The following RAG1 variants were observed in gnomAD, a reference collection of about 807,000 sequenced individuals.
RAG1 encodes the protein recombination activating 1, also known as V(D)J recombination-activating protein 1.
A neutral mutation model predicts 62.7 loss-of-function variants in RAG1; 35 were observed. That is an observed-to-expected ratio of 0.56 (90% CI 0.43 to 0.74). The LOEUF (loss-of-function observed/expected upper bound fraction) is 0.74, where lower values mean the gene tolerates loss of function less well. Among genes scored for constraint, RAG1 ranks in the 30% least tolerant of loss-of-function variants. RAG1 has a pLI of 0.00. For synonymous variants in RAG1, 461 were observed against 470.3 expected (o/e 0.98, Z 0.26); for missense variants, 1,169 against 1,278.6 (o/e 0.91, Z 1.31).
rs146457887 is a variant in RAG1, at chr11:36,573,638, C to T, written c.334C>T (p.Arg112Cys). ...TCAAGCCAACCTTCGACATCTCTGC[C>T]GCATCTGTGGGAATTCTTTTAGAGC... ...IHQANLRHLC[R>C]ICGNSFRADE... The change falls in exon 2 of 2, where the codon CGC becomes TGC. Residue 112 changes from arginine to cysteine, a missense_variant. By Grantham distance (180) the Arg-to-Cys change is radical. Coordinates refer to ENST00000299440, the MANE Select transcript of RAG1 (RefSeq NM_000448.3). 1.9e-5 allele frequency: 31 copies of T among 1,613,948 alleles called. No individual in the cohort carries two copies. The highest frequency in any genetic ancestry group is 6.7e-5 in the East Asian group (3 of 44,898).
At chr11:36,545,020 T>C (rs1191344583) in intron 3 of RAG1, among the ~76,000 whole-genome samples, 1 of 152,242 alleles carries the variant, frequency 6.6e-6, no homozygotes, top group African/African-American at 2.4e-5. Flanking sequence ...AGCGTGAGAA[T>C]GGACTAATAC....
intron 2 of RAG1, among the ~76,000 whole-genome samples, chr11:36,531,538 T>C (rs1564977998): frequency 6.6e-6 from 1 of 151,974 alleles, no homozygotes; most frequent in South Asian, 2.1e-4. Flanking sequence ...ATATGATTTA[T>C]ATAAACAGTC....
chr11:36,560,628 G>A (rs1055556364), intron 3 of RAG1, among the ~76,000 whole-genome samples: 13 of 152,152 alleles, frequency 8.5e-5, no homozygotes, highest in South Asian at 4.1e-4. Context: ...CTACTCTGGA[G>A]CAATGGAGCT....
rs1218559623 is a variant in RAG1, at chr11:36,574,463, G to T, written c.1159G>T (p.Val387Leu). 1 of 1,614,200 alleles carries T rather than the reference G, an allele frequency of 6.2e-7. No homozygotes were observed. Among genetic ancestry groups the T allele is most frequent in the African/African-American group, 1.3e-5 (1 of 75,052 alleles). Residue 387 changes from valine (V) to leucine (L), a missense_variant, in exon 2 of 2, where the codon GTG becomes TTG. This residue lies in a region of RAG1 where 800 missense variants were observed against 943.3 expected (regional missense o/e 0.85). Coordinates refer to ENST00000299440, the MANE Select transcript of RAG1 (RefSeq NM_000448.3). The stretch of plus-strand genomic sequence containing the variant: ...TCACAAGGAATCAAAAGAGATTTTT[G>T]TGCACATTAATAAAGGGGGCCGGCC... ...SSHKESKEIF[V>L]HINKGGRPRQ...
chr11:36,534,836 A>G, intron 2 of RAG1, among the ~76,000 whole-genome samples: 1 of 152,166 alleles, frequency 6.6e-6, no homozygotes, highest in East Asian at 1.9e-4. Context: ...AAAAACTTAT[A>G]CATTTAGGTC....
At chr11:36,530,743 A>T (rs576799634) in intron 2 of RAG1, among the ~76,000 whole-genome samples, 3 of 151,632 alleles carry the variant, frequency 2.0e-5, no homozygotes, top group Admixed American at 2.0e-4. Context: ...GTTTTTCTTG[A>T]TATATTTTCC....
At chr11:36,538,599 T>C (rs1424394080), downstream of RAG1, among the ~76,000 whole-genome samples, 1 of 152,230 alleles carries the variant, frequency 6.6e-6, no homozygotes, top group Non-Finnish European at 1.5e-5. Flanking sequence ...AAATCTTACA[T>C]GCGTCTAAAG....
At chr11:36,561,224 A>ACCTT (rs1355359994) in intron 3 of RAG1, among the ~76,000 whole-genome samples, 3 of 152,068 alleles carry the variant, frequency 2.0e-5, no homozygotes, top group African/African-American at 7.2e-5. Flanking sequence ...GCTTCTTTAC[A>ACCTT]CCTTCCTTTC....
At chr11:36,559,277 C>T (rs1180576200) in intron 3 of RAG1, among the ~76,000 whole-genome samples, 1 of 152,190 alleles carries the variant, frequency 6.6e-6, no homozygotes, top group Non-Finnish European at 1.5e-5. Flanking sequence ...TTACACTTCT[C>T]TCTTGCTGTT....
rs550534777 is a variant in RAG1 at position 36,571,313 on chromosome 11, G to C, written c.-14-1978G>C. 3.3e-5 allele frequency among the ~76,000 whole-genome samples: 5 copies of C among 152,270 alleles called. No homozygotes were observed. The South Asian group carries it at 8.3e-4, about 25-fold the overall frequency. ...CAGAGAGCAAGTGCTTTAAGTATAG[G>C]CTGGGAAGTAAAATGCTAAAGGAAT... On this transcript the variant is annotated intron_variant, in intron 1 of 1. Coordinates refer to ENST00000299440, the MANE Select transcript of RAG1 (RefSeq NM_000448.3).
chr11:36,515,653 AG>A, intron 1 of RAG1: 1 of 152,772 alleles, frequency 6.5e-6, no homozygotes, highest in Non-Finnish European at 1.5e-5. Flanking sequence ...GGGCAGTGGG[AG>A]GGGGTGACAA....
downstream of RAG1, among the ~76,000 whole-genome samples, chr11:36,537,820 TG>T (rs780346487): frequency 2.0e-5 from 3 of 152,214 alleles, no homozygotes; most frequent in Non-Finnish European, 4.4e-5. Context: ...CACCATTTCT[TG>T]GATGTCTTTT....
chr11:36,573,361 G>A lies in RAG1; in HGVS notation c.57G>A (p.Gln19=). The change falls in exon 2 of 2, where the codon CAG becomes CAA. Residue 19 remains glutamine, a synonymous_variant. Transcript: ENST00000299440. ...LGLSSAPDEI[Q]HPHIKFSEWK... is the part of the protein sequence containing the mutation. ...TCAGTTCTGCCCCAGATGAAATTCA[G>A]CACCCACATATTAAATTTTCAGAAT... 2 of 1,614,142 alleles carry A rather than the reference G, an allele frequency of 1.2e-6. No homozygotes were observed. Among genetic ancestry groups the A allele is most frequent in the Middle Eastern group, 1.6e-4 (1 of 6,062 alleles).
chr11:36,576,156 A>T lies in RAG1; in HGVS notation c.2852A>T (p.Glu951Val). 3 of 1,614,106 alleles carry T rather than the reference A, an allele frequency of 1.9e-6. No homozygotes were observed. The highest frequency in any genetic ancestry group is 2.5e-6 in the Non-Finnish European group (3 of 1,180,020). Residue 951 changes from glutamate to valine, a missense_variant, in exon 2 of 2, where the codon GAG (glutamate) becomes GTG (valine). Transcript: ENST00000299440. ...CTGGCCCATGTTCCTGAAATTATTG[A>T]GAGGGATGGCTCCATTGGGGCATGG... is the stretch of plus-strand genomic sequence containing the variant. ...KTLAHVPEIIERDGSIGAWAS... is the reference protein window; with the variant it reads ...KTLAHVPEIIVRDGSIGAWAS...
rs1850518602 is a variant in RAG1, at chr11:36,557,404, T to C, written c.-411-5981T>C. Among the ~76,000 whole-genome samples the C allele has an allele frequency of 2.9e-5, 4 of 137,828 alleles. No homozygotes were observed. The South Asian group carries it at 9.4e-4, about 32-fold the overall frequency. The allele number at this position is 137,828 out of a possible 152,430, so 90.4% of individuals were successfully genotyped here. ...TGCGTCCGTCACCCCTTTCTTTGAC[T>C]CGGAAAGGGAACTCCCTGACCCCTT... On this transcript the variant is annotated intron_variant and NMD_transcript_variant, in intron 3 of 9. Coordinates refer to the RAG1 transcript ENST00000534663.
chr11:36,521,447 G>A (rs945758888), intron 2 of RAG1, among the ~76,000 whole-genome samples: 3 of 152,182 alleles, frequency 2.0e-5, no homozygotes, highest in Non-Finnish European at 4.4e-5. Flanking sequence ...GCTGCCATGT[G>A]AGATATGCCT....
At chr11:36,570,477 AAACAC>A (rs1850724133) in intron 1 of RAG1, among the ~76,000 whole-genome samples, 1 of 152,246 alleles carries the variant, frequency 6.6e-6, no homozygotes, top group South Asian at 2.1e-4. Context: ...GTGCAGCAAT[AAACAC>A]AGGAGTGTAG....
In RAG1 at chr11:36,574,941, C is replaced by T. The variant is rs148235228; in HGVS notation, c.1637C>T (p.Ser546Phe). 1.9e-6 allele frequency: 3 copies of T among 1,614,082 alleles called. No individual in the cohort carries two copies. The highest frequency in any genetic ancestry group is 2.7e-5 in the African/African-American group (2 of 74,920). ...ATTGATGGGCTGTCTGGACTATCAT[C>T]CTCTGTGGATGATTACCCAGTGGAC... Reference protein sequence around the residue: ...GIIDGLSGLSSSVDDYPVDTI... With the variant: ...GIIDGLSGLSFSVDDYPVDTI... The change falls in exon 2 of 2, where the codon TCC (serine) becomes TTC (phenylalanine). Residue 546 changes from serine (S) to phenylalanine (F), a missense_variant. Coordinates refer to ENST00000299440, the MANE Select transcript of RAG1 (RefSeq NM_000448.3).
In RAG1 at chr11:36,578,797, A is replaced by G. The variant is rs1314336016; in HGVS notation, c.*2361A>G. 2 of 167,072 alleles carry G rather than the reference A, an allele frequency of 1.2e-5. No homozygotes were observed. The highest frequency in any genetic ancestry group is 4.8e-5 in the African/African-American group (2 of 41,448). 10.3% of individuals were successfully genotyped at this position (167,072 alleles called of 1,614,324 possible). A position where few individuals can be genotyped will look rare whatever the true frequency, so the allele number is the denominator to read the frequency against. On this transcript the variant is annotated 3_prime_UTR_variant, in exon 2 of 2. Transcript: ENST00000299440. The stretch of plus-strand genomic sequence containing the variant: ...ATATCCTAGACCCTAGTTTTATACT[A>G]GAGTTTTATTTTTAGCAATGCCTAT...
Sources: allele counts gnomAD v4.1 joint callset (sites outside exome capture counted in the v4.1 genomes callset), GRCh38; gene constraint gnomAD v4.1.1; regional missense constraint gnomAD v4.1.1; transcripts MANE v1.5; gene names NCBI Gene and HGNC (gene_info 2026-07-23, HGNC 2026-07-21).